MPHOSPH6: variants seen among roughly 807,000 people sequenced by gnomAD.
The protein encoded by MPHOSPH6 is M-phase phosphoprotein 6.
Under a neutral mutation model 21.8 loss-of-function variants are expected in MPHOSPH6, and 25 were observed. That is an observed-to-expected ratio of 1.15 (90% CI 0.83 to 1.60). MPHOSPH6 has a LOEUF of 1.60. Among genes scored for constraint, MPHOSPH6 ranks in the 40% most tolerant of loss-of-function variants. The pLI, the probability that MPHOSPH6 is intolerant of heterozygous loss-of-function variation, is 0.00. For synonymous variants in MPHOSPH6, 84 were observed against 56.5 expected, an observed-to-expected ratio of 1.49 and a Z score of -2.18; for missense variants, 269 against 181.8, an observed-to-expected ratio of 1.48 and a Z score of -2.76.
chr16:82,154,290 A>G (rs1397255618), intron 2 of MPHOSPH6, among the ~76,000 whole-genome samples: 1 of 152,214 alleles, frequency 6.6e-6, no homozygotes, highest in African/African-American at 2.4e-5. Context: ...ATTTAGCTAC[A>G]AAACACACCC....
intron 2 of MPHOSPH6, among the ~76,000 whole-genome samples, chr16:82,156,842 G>A (rs957857886): frequency 1.3e-5 from 2 of 152,046 alleles, no homozygotes; most frequent in African/African-American, 4.8e-5. Flanking sequence ...CGAGGCCAGC[G>A]ATCACCTGAG....
chr16:82,165,076 T>A (rs1263027824), intron 1 of MPHOSPH6: 1 of 150,902 alleles, frequency 6.6e-6, no homozygotes, highest in African/African-American at 2.4e-5. Flanking sequence ...GGTTTCTATG[T>A]ATCCCCCATT....
chr16:82,160,715 T>A (rs994805854), intron 2 of MPHOSPH6, among the ~76,000 whole-genome samples: 1 of 151,892 alleles, frequency 6.6e-6, no homozygotes, highest in African/African-American at 2.4e-5. Flanking sequence ...CTCATAGGAG[T>A]TGGGGACAAA....
chr16:82,149,200 T>C, intron 4 of MPHOSPH6, 109 bp downstream of exon 4: 1 of 1,146,224 alleles, frequency 8.7e-7, no homozygotes, highest in Non-Finnish European at 1.3e-6. Flanking sequence ...ATCGTCCTAC[T>C]GGGGGACTCC....
chr16:82,164,258 A>G (rs1215705023), intron 1 of MPHOSPH6, 64 bp from the exon 2 acceptor site: 6 of 1,057,400 alleles, frequency 5.7e-6, no homozygotes, highest in Non-Finnish European at 8.4e-6. Flanking sequence ...GAAACCCCAA[A>G]TAATTTTCTT....
At chr16:82,164,274 A>C in intron 1 of MPHOSPH6, 80 bp from the exon 2 acceptor site, 1 of 917,288 alleles carries the variant, frequency 1.1e-6, no homozygotes, top group Non-Finnish European at 1.7e-6. Flanking sequence ...TTCTTCTTCT[A>C]CTTGTTCTCC....
intron 1 of MPHOSPH6, among the ~76,000 whole-genome samples, chr16:82,167,801 G>A (rs760493927): frequency 2.0e-5 from 3 of 152,138 alleles, no homozygotes; most frequent in African/African-American, 7.2e-5. Flanking sequence ...ATGAAGTTTC[G>A]CTCGCTTGCC....
intron 3 of MPHOSPH6, among the ~76,000 whole-genome samples, chr16:82,150,473 A>G (rs546722594): frequency 6.6e-6 from 1 of 152,214 alleles, no homozygotes; most frequent in South Asian, 2.1e-4. Flanking sequence ...CACTCCGCCA[A>G]AAAAGAAAAG....
At position 82,164,078 on chromosome 16, in the gene MPHOSPH6, C is replaced by G; in HGVS notation, c.164+4G>C. ...ATCATCAGTATCAATTTTAATAAAC[C>G]TACTCTTTCTCTTTAAGCTCTGGCA... is the stretch of plus-strand genomic sequence containing the variant. On this transcript the variant is annotated splice_donor_region_variant and intron_variant, in intron 2 of 4. Coordinates refer to ENST00000258169, the MANE Select transcript of MPHOSPH6 (RefSeq NM_005792.2). 6.3e-7 allele frequency: 1 copy of G among 1,592,940 alleles called. No individual in the cohort carries two copies. Among genetic ancestry groups the G allele is most frequent in the Non-Finnish European group, 8.6e-7 (1 of 1,163,838 alleles).
In MPHOSPH6 at chr16:82,148,939, C is replaced by G. The variant is rs1010320375; in HGVS notation, c.351-76G>C. ...ATCAAGCCTTGTCAAGAATATCAGA[C>G]CAAATATGCAATAAAAAAGATTACG... On this transcript the variant is annotated intron_variant, in intron 4 of 4. Coordinates refer to ENST00000258169, the MANE Select transcript of MPHOSPH6 (RefSeq NM_005792.2). The G allele has an allele frequency of 1.1e-5, 16 of 1,504,574 alleles. No individual in the cohort carries two copies. The African/African-American group carries it at 2.0e-4, about 19-fold the overall frequency. The allele number at this position is 1,504,574 out of a possible 1,614,324, so 93.2% of individuals were successfully genotyped here.
chr16:82,155,434 TGTCA>T (rs1398597621), intron 2 of MPHOSPH6, among the ~76,000 whole-genome samples: 7 of 152,192 alleles, frequency 4.6e-5, no homozygotes, highest in African/African-American at 1.7e-4. Flanking sequence ...AAAAACTACT[TGTCA>T]GTGAGTCAAT....
At chr16:82,155,220 A>G (rs1300352865) in intron 2 of MPHOSPH6, among the ~76,000 whole-genome samples, 1 of 152,250 alleles carries the variant, frequency 6.6e-6, no homozygotes, top group Admixed American at 6.5e-5. Flanking sequence ...TGACGAAAAC[A>G]GCACTTCATG....
chr16:82,168,001 T>C (rs1906841725), intron 1 of MPHOSPH6, among the ~76,000 whole-genome samples: 1 of 152,236 alleles, frequency 6.6e-6, no homozygotes, highest in Admixed American at 6.5e-5. Flanking sequence ...TCTCCTGCTA[T>C]CTTGCCAGTA....
At chr16:82,166,380 C>T (rs1417203086) in intron 1 of MPHOSPH6, among the ~76,000 whole-genome samples, 1 of 152,214 alleles carries the variant, frequency 6.6e-6, no homozygotes. Context: ...TAACACGTTT[C>T]CATTTTCTGC....
chr16:82,159,231 T>C (rs1009359404), intron 2 of MPHOSPH6, among the ~76,000 whole-genome samples: 14 of 152,210 alleles, frequency 9.2e-5, no homozygotes, highest in Non-Finnish European at 1.5e-5. Context: ...GTTAAAGAGA[T>C]TTGCAAAAAC....
intron 1 of MPHOSPH6, among the ~76,000 whole-genome samples, chr16:82,167,129 C>G (rs1325352399): frequency 6.6e-6 from 1 of 152,170 alleles, no homozygotes; most frequent in Non-Finnish European, 1.5e-5. Context: ...GCTCATAAGA[C>G]CAAAATATTT....
At chr16:82,162,183 A>C (rs1476887566) in intron 2 of MPHOSPH6, 1 of 152,224 alleles carries the variant, frequency 6.6e-6, no homozygotes, top group African/African-American at 2.4e-5. Flanking sequence ...CCAATACACA[A>C]ATGACACAAA....
rs534963620 is a variant in MPHOSPH6, at chr16:82,170,219, G to A, written c.-44C>T. 1.3e-5 allele frequency: 20 copies of A among 1,554,672 alleles called. No individual in the cohort carries two copies. In the African/African-American group the frequency reaches 2.2e-4, roughly 17 times the overall value. On this transcript the variant is annotated 5_prime_UTR_variant, in exon 1 of 5. Coordinates refer to ENST00000258169, the MANE Select transcript of MPHOSPH6 (RefSeq NM_005792.2). ...CCGCACTCCGGCCGCGAGCCTCACC[G>A]CACATGCGCGGAGCCGCGTGCGCAG...
Position 82,148,671 on chromosome 16 carries a change from C to A in MPHOSPH6, c.*60G>T. The A allele has an allele frequency of 6.3e-7, 1 of 1,588,692 alleles. No individual in the cohort carries two copies. The highest frequency in any genetic ancestry group is 8.6e-7 in the Non-Finnish European group (1 of 1,166,612). On this transcript the variant is annotated 3_prime_UTR_variant, in exon 5 of 5. Coordinates refer to ENST00000258169, the MANE Select transcript of MPHOSPH6 (RefSeq NM_005792.2). ...ACTATAGAGACACCATTGGGATGAG[C>A]TCCAGATGCCCTGCTGACTTCCACC...
Sources: allele counts gnomAD v4.1 joint callset (sites outside exome capture counted in the v4.1 genomes callset), GRCh38; gene constraint gnomAD v4.1.1; transcripts MANE v1.5; gene names NCBI Gene and HGNC (gene_info 2026-07-23, HGNC 2026-07-21).